Variants in FGF12 observed in about 807,000 individuals in gnomAD.
FGF12 encodes fibroblast growth factor 12, also known as fibroblast growth factor 12B.
In FGF12, 14 loss-of-function variants were observed where a neutral mutation model predicts 23.6. The ratio of observed to expected loss-of-function variants is 0.59; its 90% CI spans 0.39 to 0.93. The LOEUF is 0.93. FGF12 is among the 40% of genes least tolerant of loss of function. FGF12 has a pLI of 0.00. For missense variants in FGF12, 175 were observed against 217.8 expected (o/e 0.80, Z 1.24); for synonymous variants, 62 against 77.3 (o/e 0.80, Z 1.04).
At chr3:192,250,876 A>AC (rs1711959947) in intron 4 of FGF12, among the ~76,000 whole-genome samples, 1 of 152,176 alleles carries the variant, frequency 6.6e-6, no homozygotes, top group Non-Finnish European at 1.5e-5. Context: ...TTAAATTCAT[A>AC]CAAGCCAAAG....
intron 4 of FGF12, among the ~76,000 whole-genome samples, chr3:192,191,118 C>T (rs1289694497): frequency 2.6e-5 from 4 of 152,110 alleles, no homozygotes; most frequent in Non-Finnish European, 5.9e-5. Context: ...GTATTGGTGA[C>T]TACCCTGACA....
intron 4 of FGF12, among the ~76,000 whole-genome samples, chr3:192,254,045 A>G (rs1712212625): frequency 1.3e-5 from 2 of 152,064 alleles, no homozygotes; most frequent in South Asian, 4.1e-4. Context: ...GAACACTTAA[A>G]TCCACTCTCT....
intron 5 of FGF12, among the ~76,000 whole-genome samples, chr3:192,163,828 A>AGT (rs35349561): frequency 0.1 from 14,885 of 149,436 alleles, 867 homozygotes; most frequent in Middle Eastern, 0.14. Context: ...AGTGTGTGTG[A>AGT]GTGTGTGTGT....
At chr3:192,718,723 T>C (rs886802457) in intron 2 of FGF12, among the ~76,000 whole-genome samples, 1 of 152,196 alleles carries the variant, frequency 6.6e-6, no homozygotes, top group Non-Finnish European at 1.5e-5. Flanking sequence ...TAGCACTTTT[T>C]TCCTCTTAGT....
chr3:192,653,950 T>C (rs1184161812), intron 2 of FGF12, among the ~76,000 whole-genome samples: 1 of 152,180 alleles, frequency 6.6e-6, no homozygotes, highest in Non-Finnish European at 1.5e-5. Flanking sequence ...GGTCTAGAAC[T>C]CCTGACCTCA....
At chr3:192,648,085 A>G (rs948345046) in intron 2 of FGF12, among the ~76,000 whole-genome samples, 3 of 152,230 alleles carry the variant, frequency 2.0e-5, no homozygotes, top group African/African-American at 7.2e-5. Context: ...CACTTCTAGG[A>G]GGTGGCATAT....
intron 4 of FGF12, among the ~76,000 whole-genome samples, chr3:192,279,967 A>C (rs1714049006): frequency 6.6e-6 from 1 of 152,240 alleles, no homozygotes; most frequent in Non-Finnish European, 1.5e-5. Context: ...GGCTGATGAA[A>C]TATTTTTAAA....
chr3:192,709,935 C>A (rs779472138), intron 2 of FGF12, among the ~76,000 whole-genome samples: 8 of 152,132 alleles, frequency 5.3e-5, no homozygotes, highest in Non-Finnish European at 7.3e-5. Flanking sequence ...CAACTCATGG[C>A]AATATGCATG....
intron 4 of FGF12, among the ~76,000 whole-genome samples, chr3:192,261,273 G>A (rs1034972241): frequency 5.3e-5 from 8 of 152,120 alleles, no homozygotes; most frequent in African/African-American, 1.7e-4. Flanking sequence ...GGCCATGGCC[G>A]AGGGTTTATG....
At chr3:192,647,710 TAC>T (rs139966025) in intron 2 of FGF12, among the ~76,000 whole-genome samples, 7 of 147,706 alleles carry the variant, frequency 4.7e-5, no homozygotes, top group African/African-American at 1.0e-4. Flanking sequence ...TGTGTATATA[TAC>T]ATATATATAT....
chr3:192,504,441 C>G (rs1180868041), intron 2 of FGF12, among the ~76,000 whole-genome samples: 1 of 152,188 alleles, frequency 6.6e-6, no homozygotes, highest in Non-Finnish European at 1.5e-5. Flanking sequence ...TACTTCCTGG[C>G]CCACAAAAGA....
chr3:192,386,643 ATATT>A (rs1174674464), intron 2 of FGF12, among the ~76,000 whole-genome samples: 3 of 152,162 alleles, frequency 2.0e-5, no homozygotes, highest in Non-Finnish European at 4.4e-5. Flanking sequence ...AATTTATATA[ATATT>A]TATTTTTCTA....
At chr3:192,347,414 T>C (rs542761629) in intron 3 of FGF12, among the ~76,000 whole-genome samples, 2 of 152,304 alleles carry the variant, frequency 1.3e-5, no homozygotes, top group South Asian at 4.1e-4. Flanking sequence ...TGCTGTGTGC[T>C]TGGTTCTCAA....
At chr3:192,158,413 T>TTCTTTCCTTTCTTTCTCTC (rs1560171650) in intron 5 of FGF12, among the ~76,000 whole-genome samples, 3 of 7,022 alleles carry the variant, frequency 4.3e-4, no homozygotes, top group African/African-American at 9.8e-4. Context: ...TTTTCTTTCT[T>TTCTTTCCTTTCTTTCTCTC]TCTCTTTCTT....
chr3:192,210,288 G>A (rs1435233237), intron 4 of FGF12, among the ~76,000 whole-genome samples: 7 of 152,206 alleles, frequency 4.6e-5, no homozygotes, highest in Non-Finnish European at 5.9e-5. Flanking sequence ...TTGGGTGTCA[G>A]TGTATCAGAT....
intron 2 of FGF12, among the ~76,000 whole-genome samples, chr3:192,371,613 A>G (rs1719235521): frequency 6.6e-6 from 1 of 152,246 alleles, no homozygotes; most frequent in Admixed American, 6.5e-5. Context: ...AACAGTAGCA[A>G]TGGGCAAATT....
intron 2 of FGF12, among the ~76,000 whole-genome samples, chr3:192,445,097 C>T (rs1372958990): frequency 6.6e-6 from 1 of 152,246 alleles, no homozygotes; most frequent in Non-Finnish European, 1.5e-5. Context: ...TAAATCTTTC[C>T]TGAAGAATCT....
intron 4 of FGF12, among the ~76,000 whole-genome samples, chr3:192,308,683 A>C (rs1715782543): frequency 6.6e-6 from 1 of 151,692 alleles, no homozygotes. Context: ...TCCATCTCAA[A>C]AAAAAAAAAG....
At chr3:192,685,161 C>T (rs1717686842) in intron 2 of FGF12, among the ~76,000 whole-genome samples, 1 of 152,138 alleles carries the variant, frequency 6.6e-6, no homozygotes, top group Non-Finnish European at 1.5e-5. Context: ...CGCCATTCTC[C>T]AGCCTCAGCC....
Sources: gnomAD v4.1 joint callset for allele counts (sites outside exome capture counted in the v4.1 genomes callset) on GRCh38, gnomAD v4.1.1 for gene constraint, MANE v1.5 for transcripts, NCBI Gene and HGNC (gene_info 2026-07-23, HGNC 2026-07-21) for gene names.